GALM: variants seen among roughly 807,000 people sequenced by gnomAD.
The protein encoded by GALM is aldose 1-epimerase.
In GALM, 43 loss-of-function variants were observed where a neutral mutation model predicts 37.4. The ratio of observed to expected loss-of-function variants is 1.15; its 90% CI spans 0.90 to 1.48. GALM has a LOEUF of 1.48. Ranked by LOEUF, GALM falls within the 40% of genes most tolerant of loss-of-function variation. The probability of loss-of-function intolerance (pLI) is 0.00; values close to 1 mark genes in which losing one functional copy is unlikely to be tolerated. For synonymous variants in GALM, 199 were observed against 170.6 expected (o/e 1.17, Z -1.30); for missense variants, 456 against 419.1 (o/e 1.09, Z -0.77).
chr2:38,718,201 T>C (rs897902185), intron 4 of GALM, among the ~76,000 whole-genome samples: 11 of 147,948 alleles, frequency 7.4e-5, no homozygotes, highest in Admixed American at 2.7e-4. Flanking sequence ...CTTTTCTTTT[T>C]TTTTTTTTTT....
intron 3 of GALM, among the ~76,000 whole-genome samples, chr2:38,686,244 CTT>C (rs1386893018): frequency 2.0e-5 from 2 of 98,870 alleles, no homozygotes; most frequent in South Asian, 7.6e-4. Flanking sequence ...TTCTTTCTTT[CTT>C]TCTTTCTTTC....
intron 1 of GALM, among the ~76,000 whole-genome samples, chr2:38,669,700 C>A (rs946489614): frequency 2.0e-5 from 3 of 151,908 alleles, no homozygotes; most frequent in African/African-American, 7.2e-5. Flanking sequence ...ATGGTGAAAC[C>A]CATCTCTACT....
chr2:38,694,450 A>C (rs1389900290), intron 4 of GALM, among the ~76,000 whole-genome samples: 1 of 152,108 alleles, frequency 6.6e-6, no homozygotes, highest in Non-Finnish European at 1.5e-5. Context: ...ACTTTTCTGC[A>C]AAGAAAACAG....
At chr2:38,717,766 A>G (rs1666299194) in intron 4 of GALM, among the ~76,000 whole-genome samples, 1 of 150,030 alleles carries the variant, frequency 6.7e-6, no homozygotes, top group Admixed American at 6.6e-5. Flanking sequence ...AAGATCAGTG[A>G]GTAAGTCCAT....
chr2:38,692,207 G>A (rs1233308838), intron 4 of GALM, among the ~76,000 whole-genome samples: 1 of 152,126 alleles, frequency 6.6e-6, no homozygotes, highest in Non-Finnish European at 1.5e-5. Flanking sequence ...ATACCTGTTT[G>A]CCGAGTGACA....
intron 1 of GALM, chr2:38,669,482 C>T (rs760153065): frequency 6.6e-6 from 1 of 152,242 alleles, no homozygotes; most frequent in African/African-American, 2.4e-5. Context: ...CGCAAGTCTG[C>T]CTTCTTCAAT....
At chr2:38,698,062 G>A (rs1665846766) in intron 4 of GALM, among the ~76,000 whole-genome samples, 1 of 151,882 alleles carries the variant, frequency 6.6e-6, no homozygotes. Flanking sequence ...TCTTGCTTCA[G>A]CCTCCCAATT....
chr2:38,732,878 C>T (rs576480514), intron 6 of GALM, among the ~76,000 whole-genome samples: 14 of 149,700 alleles, frequency 9.4e-5, no homozygotes, highest in East Asian at 2.0e-4. Flanking sequence ...ATGATCACAC[C>T]ACTGCACTCC....
intron 2 of GALM, among the ~76,000 whole-genome samples, chr2:38,676,685 T>C (rs943616962): frequency 6.6e-5 from 10 of 152,156 alleles, no homozygotes; most frequent in African/African-American, 2.4e-4. Flanking sequence ...ATCGCTTGAA[T>C]GTGGGAGGTG....
At chr2:38,700,357 T>A (rs1665891931) in intron 4 of GALM, among the ~76,000 whole-genome samples, 1 of 152,202 alleles carries the variant, frequency 6.6e-6, no homozygotes, top group Non-Finnish European at 1.5e-5. Flanking sequence ...TATTGGTGTC[T>A]ATGTCTCCCT....
chr2:38,690,859 C>T (rs1665657722), intron 4 of GALM, among the ~76,000 whole-genome samples: 1 of 152,144 alleles, frequency 6.6e-6, no homozygotes, highest in Admixed American at 6.6e-5. Flanking sequence ...TAGGAACTCC[C>T]ATAAATATAG....
In GALM at chr2:38,731,866, G is replaced by A; in HGVS notation, c.908G>A (p.Gly303Asp). The change falls in exon 6 of 7, where the codon GGT becomes GAT. Residue 303 changes from glycine (G) to aspartate (D), a missense_variant. Coordinates refer to ENST00000272252, the MANE Select transcript of GALM (RefSeq NM_138801.3). ...GGAGCTGTCTATCCCAAGCACTCCG[G>A]TTTCTGCCTGGAGACTCAGAACTGG... Reference protein sequence around the residue: ...KNGAVYPKHSGFCLETQNWPD... With the variant: ...KNGAVYPKHSDFCLETQNWPD... The A allele has an allele frequency of 6.2e-7, 1 of 1,614,156 alleles. No individual in the cohort carries two copies. Among genetic ancestry groups the A allele is most frequent in the Non-Finnish European group, 8.5e-7 (1 of 1,180,034 alleles).
chr2:38,674,222 G>T (rs1421361393), intron 1 of GALM, among the ~76,000 whole-genome samples: 1 of 141,064 alleles, frequency 7.1e-6, no homozygotes, highest in Non-Finnish European at 1.5e-5. Context: ...AGACAGTCTC[G>T]CTCTGTCGCC....
Position 38,697,781 on chromosome 2 carries a change from A to G in GALM, c.634+7887A>G, listed in dbSNP as rs544225374. On this transcript the variant is annotated intron_variant, in intron 4 of 6. Coordinates refer to ENST00000272252, the MANE Select transcript of GALM (RefSeq NM_138801.3). Reference sequence around the variant, plus strand: ...CTAGAAAGAAAAGAGATACCATGGTATGCAGTTACAGGGAGCCAGAGCAAG... The same window carrying G: ...CTAGAAAGAAAAGAGATACCATGGTGTGCAGTTACAGGGAGCCAGAGCAAG... Among the ~76,000 whole-genome samples, 18 of 152,256 alleles carry G rather than the reference A, an allele frequency of 1.2e-4. 1 individual carries two copies. In the South Asian group the frequency reaches 3.7e-3, roughly 32 times the overall value.
At chr2:38,707,746 T>C (rs1243537965) in intron 4 of GALM, among the ~76,000 whole-genome samples, 2 of 152,078 alleles carry the variant, frequency 1.3e-5, no homozygotes, top group African/African-American at 2.4e-5. Context: ...TTTGGGTAGC[T>C]GAGTCGGAAG....
intron 4 of GALM, among the ~76,000 whole-genome samples, chr2:38,705,358 C>T (rs572558515): frequency 1.3e-5 from 2 of 152,140 alleles, no homozygotes; most frequent in East Asian, 3.8e-4. Flanking sequence ...TTATAGAGCA[C>T]CTACTGATTG....
intron 4 of GALM, among the ~76,000 whole-genome samples, chr2:38,725,295 G>C (rs1666461938): frequency 6.6e-6 from 1 of 152,144 alleles, no homozygotes; most frequent in African/African-American, 2.4e-5. Context: ...AGTACTTTGG[G>C]AGGCTGAGGC....
At chr2:38,730,800 A>G (rs1022864130) in intron 5 of GALM, among the ~76,000 whole-genome samples, 15 of 151,884 alleles carry the variant, frequency 9.9e-5, no homozygotes, top group African/African-American at 2.7e-4. Context: ...GGGCACCTAT[A>G]ATCTCAGCTA....
In GALM at chr2:38,681,291, C is replaced by G. The variant is rs780443266; in HGVS notation, c.357C>G (p.Thr119=). ...GVRGFDKVLW[T]PRVLSNGVQF... The stretch of plus-strand genomic sequence containing the variant: ...ACACTTTTTTCCAGGTGCTCTGGAC[C>G]CCTCGGGTGCTGTCAAATGGCGTCC... Residue 119 remains threonine (T), a synonymous_variant, in exon 3 of 7, where the codon ACC becomes ACG. Coordinates refer to ENST00000272252, the MANE Select transcript of GALM (RefSeq NM_138801.3). The G allele has an allele frequency of 1.9e-6, 3 of 1,613,032 alleles. No homozygotes were observed. Among genetic ancestry groups the G allele is most frequent in the East Asian group, 4.5e-5 (2 of 44,882 alleles).
Sources: allele counts gnomAD v4.1 joint callset (sites outside exome capture counted in the v4.1 genomes callset), GRCh38; gene constraint gnomAD v4.1.1; transcripts MANE v1.5; gene names NCBI Gene and HGNC (gene_info 2026-07-23, HGNC 2026-07-21).